The following BBX variants were observed in gnomAD, a reference collection of about 807,000 sequenced individuals.
BBX encodes HMG box transcription factor BBX.
Under a neutral mutation model 100.2 loss-of-function variants are expected in BBX, and 30 were observed. The ratio of observed to expected loss-of-function variants is 0.30; its 90% CI spans 0.22 to 0.41. The LOEUF (loss-of-function observed/expected upper bound fraction) is 0.41. BBX is among the 10% of genes least tolerant of loss of function. The pLI, the probability that BBX is intolerant of heterozygous loss-of-function variation, is 1.00. For synonymous variants in BBX, 376 were observed against 388.1 expected, an observed-to-expected ratio of 0.97 and a Z score of 0.37; for missense variants, 1,023 against 1,129.8, an observed-to-expected ratio of 0.91 and a Z score of 1.35.
At chr3:107,782,603 C>A (rs577475798) in intron 13 of BBX, among the ~76,000 whole-genome samples, 7 of 152,138 alleles carry the variant, frequency 4.6e-5, no homozygotes, top group Admixed American at 3.9e-4. Context: ...CTTCTCACCC[C>A]CAAAACATTC....
chr3:107,760,073 C>G (rs1311002571), intron 10 of BBX, among the ~76,000 whole-genome samples: 1 of 152,166 alleles, frequency 6.6e-6, no homozygotes, highest in African/African-American at 2.4e-5. Flanking sequence ...TCTTCTTTTA[C>G]ACATTAGGAA....
In BBX at chr3:107,678,588, G is replaced by A. The variant is rs919294183; in HGVS notation, c.-9-31864G>A. ...AAATTTGAAACATTAGCTGGGTGTG[G>A]TGGTGCACGCCTGTAGTCTCAGCTA... is the stretch of plus-strand genomic sequence containing the variant. On this transcript the variant is annotated intron_variant, in intron 3 of 17. Transcript: ENST00000325805. 2.6e-5 allele frequency among the ~76,000 whole-genome samples: 4 copies of A among 152,118 alleles called. No individual in the cohort carries two copies. The South Asian group carries it at 8.3e-4, about 32-fold the overall frequency.
At chr3:107,557,098 A>G (rs2107456576) in intron 2 of BBX, among the ~76,000 whole-genome samples, 1 of 152,380 alleles carries the variant, frequency 6.6e-6, no homozygotes, top group Admixed American at 6.5e-5. Context: ...AGTATTAACA[A>G]AAGCGTACAC....
intron 2 of BBX, among the ~76,000 whole-genome samples, chr3:107,537,275 T>G (rs1399726953): frequency 6.6e-6 from 1 of 152,222 alleles, no homozygotes; most frequent in Non-Finnish European, 1.5e-5. Context: ...AAGAGAATTG[T>G]TCAGCTATGT....
chr3:107,565,036 C>A (rs1232217358), intron 2 of BBX, among the ~76,000 whole-genome samples: 1 of 152,130 alleles, frequency 6.6e-6, no homozygotes, highest in Admixed American at 6.5e-5. Context: ...CTACAAATCT[C>A]ACACATTTTT....
At chr3:107,779,777 A>G (rs2067682770) in intron 13 of BBX, among the ~76,000 whole-genome samples, 1 of 152,108 alleles carries the variant, frequency 6.6e-6, no homozygotes, top group Non-Finnish European at 1.5e-5. Context: ...TTCTCCTTCA[A>G]AGCCTAAAAA....
At chr3:107,672,807 A>G (rs892787409) in intron 3 of BBX, among the ~76,000 whole-genome samples, 14 of 152,074 alleles carry the variant, frequency 9.2e-5, no homozygotes, top group Non-Finnish European at 1.3e-4. Context: ...TAATGAAGTA[A>G]ATTTTAATGA....
chr3:107,623,600 T>C (rs2055945969), intron 2 of BBX, among the ~76,000 whole-genome samples: 1 of 151,864 alleles, frequency 6.6e-6, no homozygotes, highest in South Asian at 2.1e-4. Context: ...AGAGCAGGAG[T>C]AGATCCAGGT....
intron 2 of BBX, among the ~76,000 whole-genome samples, chr3:107,579,765 C>T (rs1277738632): frequency 3.3e-5 from 5 of 152,180 alleles, no homozygotes; most frequent in Non-Finnish European, 5.9e-5. Context: ...TTTGCATACT[C>T]GGGTTTTAGT....
chr3:107,698,095 A>C (rs1185882638), intron 3 of BBX, among the ~76,000 whole-genome samples: 1 of 151,616 alleles, frequency 6.6e-6, no homozygotes, highest in Non-Finnish European at 1.5e-5. Flanking sequence ...CGCCCACTGA[A>C]TGGCACTCCC....
intron 1 of BBX, chr3:107,525,366 G>A (rs2047688479): frequency 6.6e-6 from 1 of 152,456 alleles, no homozygotes; most frequent in East Asian, 1.9e-4. Flanking sequence ...GGAGGAAGAG[G>A]AGGAGAGGGA....
chr3:107,791,865 A>G (rs2107946810), intron 15 of BBX, among the ~76,000 whole-genome samples: 2 of 152,220 alleles, frequency 1.3e-5, no homozygotes, highest in South Asian at 4.1e-4. Flanking sequence ...GTTGGCTGTG[A>G]TAGCGCATGC....
In BBX at chr3:107,773,903, T is replaced by C. The variant is rs1165320758; in HGVS notation, c.1915+267T>C. ...AATCTCTTCTTTCCCCCCACTGGTATGGGCTGGCTGTTTGTTTTGAAAGAT... is the reference window on the plus strand; with the variant it reads ...AATCTCTTCTTTCCCCCCACTGGTACGGGCTGGCTGTTTGTTTTGAAAGAT... On this transcript the variant is annotated intron_variant, in intron 11 of 17. Transcript: ENST00000325805. This position sits in a 1 kb window ranked among gnomAD's most constrained non-coding sequence, Gnocchi z 4.1. Among the ~76,000 whole-genome samples the C allele has an allele frequency of 6.6e-6, 1 of 152,204 alleles. No individual in the cohort carries two copies. The highest frequency in any genetic ancestry group is 1.5e-5 in the Non-Finnish European group (1 of 68,030).
At chr3:107,654,904 G>C (rs1356504430) in intron 3 of BBX, among the ~76,000 whole-genome samples, 2 of 152,166 alleles carry the variant, frequency 1.3e-5, no homozygotes, top group East Asian at 3.8e-4. Context: ...CCCAGCATAT[G>C]GCAGGCACTA....
chr3:107,798,455 T>C, intron 15 of BBX, 68 bp from the exon 16 acceptor site: 4 of 1,447,078 alleles, frequency 2.8e-6, no homozygotes, highest in Non-Finnish European at 2.9e-6. Flanking sequence ...TAGACATGTT[T>C]CCTTCTAAGA....
At chr3:107,744,558 G>C (rs772165529) in intron 7 of BBX, 72 bp from the exon 8 acceptor site, 10 of 1,126,618 alleles carry the variant, frequency 8.9e-6, no homozygotes, top group Non-Finnish European at 1.3e-5. Context: ...CGCAAATGAA[G>C]ATAGAGCATT....
In BBX at chr3:107,746,077, G is replaced by A. The variant is rs151335654; in HGVS notation, c.750+1367G>A. Reference sequence around the variant, plus strand: ...CTCCCCCTTTTTTTAGAACTTCTGAGATACTTTTCACAAAATTGGATGGAT... The same window carrying A: ...CTCCCCCTTTTTTTAGAACTTCTGAAATACTTTTCACAAAATTGGATGGAT... On this transcript the variant is annotated intron_variant, in intron 8 of 17. Transcript: ENST00000325805. 1.1e-4 allele frequency among the ~76,000 whole-genome samples: 16 copies of A among 152,060 alleles called. No homozygotes were observed. The East Asian group carries it at 3.1e-3, about 29-fold the overall frequency.
At chr3:107,682,260 A>G (rs1438856339) in intron 3 of BBX, among the ~76,000 whole-genome samples, 1 of 152,152 alleles carries the variant, frequency 6.6e-6, no homozygotes, top group Non-Finnish European at 1.5e-5. Context: ...TATTGAGGTT[A>G]TGGATGATTC....
In BBX at chr3:107,797,337, A is replaced by AATATATAT. The variant is rs369837058; in HGVS notation, c.2354-1166_2354-1159dup. Among the ~76,000 whole-genome samples the AATATATAT allele has an allele frequency of 6.3e-3, 247 of 39,328 alleles. 29 individuals are homozygous for AATATATAT. Among genetic ancestry groups the AATATATAT allele is most frequent in the South Asian group, 0.024 (33 of 1,366 alleles). The allele number at this position is 39,328 out of a possible 152,430, so 25.8% of individuals were successfully genotyped here. Reference sequence around the variant, plus strand: ...TCCTCTTAGTTTAGCTTTTCTTCCAAATATATATATATATATATATATATA... The same window carrying AATATATAT: ...TCCTCTTAGTTTAGCTTTTCTTCCAAATATATATATATATATATATATATATATATATA... On this transcript the variant is annotated intron_variant, in intron 15 of 17. Coordinates refer to ENST00000325805, the MANE Select transcript of BBX (RefSeq NM_001142568.3).
Sources: gnomAD v4.1 joint callset for allele counts (sites outside exome capture counted in the v4.1 genomes callset) on GRCh38, gnomAD v4.1.1 for gene constraint, Gnocchi (gnomAD v3.1) non-coding constraint, MANE v1.5 for transcripts, NCBI Gene and HGNC (gene_info 2026-07-23, HGNC 2026-07-21) for gene names.